MYO5C: variants seen among roughly 807,000 people sequenced by gnomAD.
The protein encoded by MYO5C is unconventional myosin-Vc.
A neutral mutation model predicts 235.7 loss-of-function variants in MYO5C; 194 were observed. The observed-to-expected ratio is 0.82, with a 90% CI of 0.73 to 0.93. MYO5C has a LOEUF of 0.93. Ranked by LOEUF, MYO5C falls within the 40% of genes least tolerant of loss-of-function variation. The probability of loss-of-function intolerance (pLI) is 0.00; values close to 1 mark genes in which losing one functional copy is unlikely to be tolerated. For synonymous variants in MYO5C, 707 were observed against 754.8 expected, an observed-to-expected ratio of 0.94 and a Z score of 1.04; for missense variants, 2,038 against 2,127.2, an observed-to-expected ratio of 0.96 and a Z score of 0.82.
At position 52,225,922 on chromosome 15, in the gene MYO5C, C is replaced by T. The variant is rs57560848; in HGVS notation, c.3208-390G>A. 4.0e-3 allele frequency among the ~76,000 whole-genome samples: 610 copies of T among 152,092 alleles called. 3 individuals carry two copies. The highest frequency in any genetic ancestry group is 0.012 in the African/African-American group (478 of 41,490). ...AAAATTAGCCAGGCATGGTGGCAGACGCCTGTAATCCTAGCTACTTGGGAG... is the reference window on the plus strand; with the variant it reads ...AAAATTAGCCAGGCATGGTGGCAGATGCCTGTAATCCTAGCTACTTGGGAG... On this transcript the variant is annotated intron_variant, in intron 25 of 40. Transcript: ENST00000261839.
intron 1 of MYO5C, among the ~76,000 whole-genome samples, chr15:52,287,959 T>G (rs778016822): frequency 6.7e-6 from 1 of 149,872 alleles, no homozygotes; most frequent in South Asian, 2.1e-4. Context: ...CTGGGTGACA[T>G]GCGTGAAACT....
At chr15:52,291,980 C>T (rs1346190608) in intron 1 of MYO5C, among the ~76,000 whole-genome samples, 2 of 151,892 alleles carry the variant, frequency 1.3e-5, no homozygotes, top group Admixed American at 6.6e-5. Context: ...ACCTCGTGAT[C>T]CGCCCGCCTC....
At chr15:52,293,315 C>G (rs4442751) in intron 1 of MYO5C, among the ~76,000 whole-genome samples, 83,387 of 151,816 alleles carry the variant, frequency 0.55, 27,558 homozygotes, top group Non-Finnish European at 0.73. Context: ...TCCCCGCTGG[C>G]CTGTCCCTCA....
At position 52,275,628 on chromosome 15, in the gene MYO5C, G is replaced by T. The variant is rs1242997318; in HGVS notation, c.540C>A (p.Thr180=). 1.9e-6 allele frequency: 3 copies of T among 1,614,194 alleles called. No individual in the cohort carries two copies. The highest frequency in any genetic ancestry group is 1.7e-5 in the Admixed American group (1 of 60,026). The part of the protein sequence containing the change: ...SARYAMRYFA[T]VSKSGSNAHV... ...GAGCGTTGCTGCCCGATTTGCTGACGGTGGCAAAGTACCTCATGGCATAGC... is the reference window on the plus strand; with the variant it reads ...GAGCGTTGCTGCCCGATTTGCTGACTGTGGCAAAGTACCTCATGGCATAGC... Residue 180 remains threonine (T), a synonymous_variant, in exon 5 of 41, where the codon ACC becomes ACA. Transcript: ENST00000261839.
At chr15:52,207,992 TGA>T (rs1466649073) in intron 36 of MYO5C, among the ~76,000 whole-genome samples, 1 of 152,208 alleles carries the variant, frequency 6.6e-6, no homozygotes, top group African/African-American at 2.4e-5. Flanking sequence ...GGTGAAGGTA[TGA>T]GACACTGGAA....
At chr15:52,286,086 C>G (rs1442359854) in intron 1 of MYO5C, among the ~76,000 whole-genome samples, 1 of 152,060 alleles carries the variant, frequency 6.6e-6, no homozygotes, top group South Asian at 2.1e-4. Context: ...CCGGCCGCCC[C>G]GTCTGAGAAG....
At chr15:52,275,015 C>G (rs1344007851) in intron 5 of MYO5C, among the ~76,000 whole-genome samples, 1 of 152,190 alleles carries the variant, frequency 6.6e-6, no homozygotes, top group East Asian at 1.9e-4. Context: ...GTCTCCTCAC[C>G]CCCCTGGGCA....
At chr15:52,232,206 G>GAAA (rs1461572607) in intron 24 of MYO5C, among the ~76,000 whole-genome samples, 1,973 of 107,052 alleles carry the variant, frequency 0.018, 546 homozygotes, top group East Asian at 0.15. Context: ...AAGGAAGGAA[G>GAAA]GAAAAGAAAG....
chr15:52,257,423 G>T (rs753681483), intron 10 of MYO5C, among the ~76,000 whole-genome samples: 1 of 152,142 alleles, frequency 6.6e-6, no homozygotes, highest in Non-Finnish European at 1.5e-5. Context: ...AGCTCCTGCC[G>T]GATGTAGCCA....
chr15:52,266,918 G>C (rs969393989), intron 8 of MYO5C, among the ~76,000 whole-genome samples: 1 of 152,184 alleles, frequency 6.6e-6, no homozygotes, highest in African/African-American at 2.4e-5. Context: ...CAGCACAGCA[G>C]GCAGCCATCA....
At chr15:52,214,799 A>C in intron 32 of MYO5C, 109 bp from the exon 33 acceptor site, 1 of 609,738 alleles carries the variant, frequency 1.6e-6, no homozygotes, top group Non-Finnish European at 2.7e-6. Flanking sequence ...CGTACAACTC[A>C]CCCATTTAAA....
chr15:52,232,567 A>C, intron 24 of MYO5C, 55 bp downstream of exon 24: 1 of 1,542,446 alleles, frequency 6.5e-7, no homozygotes. Flanking sequence ...TGGAAAATAT[A>C]AAACAGCACA....
chr15:52,235,663 G>A lies in MYO5C; in HGVS notation c.2962+7C>T, dbSNP rs756950076. On this transcript the variant is annotated splice_region_variant and intron_variant, in intron 23 of 40. Transcript: ENST00000261839. ...GAATGTCTGGATTTGTGCCCCCCAA[G>A]CTTTACCTTTTAACTCTTCAGTCTT... The A allele has an allele frequency of 4.4e-6, 7 of 1,603,164 alleles. No homozygotes were observed. In the Admixed American group the frequency reaches 8.5e-5, roughly 19 times the overall value.
At chr15:52,205,344 C>T in intron 37 of MYO5C, 197 bp from the exon 38 acceptor site, 1 of 614,324 alleles carries the variant, frequency 1.6e-6, no homozygotes, top group Non-Finnish European at 2.8e-6. Context: ...CGGCTGTTTC[C>T]AGCGGGGCTG....
At position 52,208,675 on chromosome 15, in the gene MYO5C, T is replaced by C; in HGVS notation, c.4297-32A>G. 1.9e-6 allele frequency: 3 copies of C among 1,585,592 alleles called. No individual in the cohort carries two copies. The Middle Eastern group carries it at 5.1e-4, about 267-fold the overall frequency. On this transcript the variant is annotated intron_variant, in intron 35 of 40. Transcript: ENST00000261839. ...AAAATAAGAAAAGACAAAATTGGTC[T>C]TGATGATTACTTGTACCTCTGAGCA...
intron 1 of MYO5C, among the ~76,000 whole-genome samples, chr15:52,285,446 T>TC (rs2037243542): frequency 8.3e-6 from 1 of 120,816 alleles, no homozygotes; most frequent in Non-Finnish European, 1.9e-5. Context: ...TCCCTCTCCC[T>TC]CCTCTCCCTC....
At chr15:52,223,128 A>G (rs1201169560) in intron 29 of MYO5C, among the ~76,000 whole-genome samples, 4 of 139,846 alleles carry the variant, frequency 2.9e-5, no homozygotes, top group Admixed American at 1.5e-4. Flanking sequence ...CAGCCTGGGC[A>G]ACAGAGTGAG....
rs147949914 is a variant in MYO5C at position 52,233,676 on chromosome 15, G to A, written c.2963-991C>T. On this transcript the variant is annotated intron_variant, in intron 23 of 40. Transcript: ENST00000261839. ...CTGTTAACACTGAAATACAAGAGTCGCAAACACAAAGTCTGCAGGCCGAAG... is the reference window on the plus strand; with the variant it reads ...CTGTTAACACTGAAATACAAGAGTCACAAACACAAAGTCTGCAGGCCGAAG... Among the ~76,000 whole-genome samples, 17 of 152,302 alleles carry A rather than the reference G, an allele frequency of 1.1e-4. No homozygotes were observed. The East Asian group carries it at 2.1e-3, about 19-fold the overall frequency.
At chr15:52,276,786 T>C (rs1362368163) in intron 4 of MYO5C, among the ~76,000 whole-genome samples, 1 of 152,180 alleles carries the variant, frequency 6.6e-6, no homozygotes, top group Non-Finnish European at 1.5e-5. Context: ...CATGCTCTGT[T>C]ATATAATTTA....
Sources: gnomAD v4.1 joint callset for allele counts (sites outside exome capture counted in the v4.1 genomes callset) on GRCh38, gnomAD v4.1.1 for gene constraint, MANE v1.5 for transcripts, NCBI Gene and HGNC (gene_info 2026-07-23, HGNC 2026-07-21) for gene names.